NEGR1: variants seen among roughly 807,000 people sequenced by gnomAD.
The protein encoded by NEGR1 is IgLON family member 4.
NEGR1 carries 10 observed loss-of-function variants against 40.9 expected under a neutral mutation model. That is an observed-to-expected ratio of 0.24 (90% CI 0.15 to 0.42). The LOEUF is 0.42. NEGR1 is among the 10% of genes least tolerant of loss of function. NEGR1 has a pLI of 1.00. For missense variants in NEGR1, 352 were observed against 438.9 expected (o/e 0.80, Z 1.77); for synonymous variants, 185 against 166.8 (o/e 1.11, Z -0.84).
At chr1:72,192,910 T>G (rs1652867285) in intron 1 of NEGR1, among the ~76,000 whole-genome samples, 1 of 151,836 alleles carries the variant, frequency 6.6e-6, no homozygotes, top group Non-Finnish European at 1.5e-5. Context: ...GATGGCCTGA[T>G]CATGTCTTAT....
At chr1:71,756,524 G>T (rs563385025) in intron 3 of NEGR1, among the ~76,000 whole-genome samples, 2 of 151,346 alleles carry the variant, frequency 1.3e-5, no homozygotes, top group African/African-American at 4.9e-5. Context: ...ATTATTTCTT[G>T]TCATGTCACA....
intron 1 of NEGR1, among the ~76,000 whole-genome samples, chr1:72,213,695 T>C (rs529492222): frequency 4.0e-5 from 6 of 151,632 alleles, no homozygotes; most frequent in Admixed American, 6.6e-5. Flanking sequence ...AATCCCTGAA[T>C]ACAAGTTCTG....
intron 1 of NEGR1, among the ~76,000 whole-genome samples, chr1:72,214,167 C>G (rs996252484): frequency 7.9e-5 from 12 of 151,998 alleles, no homozygotes; most frequent in African/African-American, 2.9e-4. Context: ...ATTCAACACC[C>G]CTTCATGATA....
chr1:71,989,801 C>T (rs1646433910), intron 1 of NEGR1, among the ~76,000 whole-genome samples: 1 of 152,178 alleles, frequency 6.6e-6, no homozygotes, highest in Non-Finnish European at 1.5e-5. Flanking sequence ...TTTTCTATCA[C>T]AGCTTTCACA....
intron 6 of NEGR1, among the ~76,000 whole-genome samples, chr1:71,539,225 A>G (rs113810883): frequency 1.2e-3 from 183 of 151,876 alleles, no homozygotes; most frequent in African/African-American, 4.2e-3. Context: ...CACTCTATAA[A>G]TGTTAGCTTA....
intron 2 of NEGR1, among the ~76,000 whole-genome samples, chr1:71,803,863 T>C (rs1225218692): frequency 6.6e-6 from 1 of 152,152 alleles, no homozygotes; most frequent in Non-Finnish European, 1.5e-5. Flanking sequence ...CATTGTTCAC[T>C]TCAGTGCCTA....
At chr1:71,586,068 G>A (rs1481369221) in intron 6 of NEGR1, among the ~76,000 whole-genome samples, 2 of 152,004 alleles carry the variant, frequency 1.3e-5, no homozygotes, top group Non-Finnish European at 2.9e-5. Context: ...TATAGGTCAG[G>A]TGACTAAAGT....
intron 2 of NEGR1, among the ~76,000 whole-genome samples, chr1:71,900,308 G>GCAC (rs1421271752): frequency 2.0e-5 from 3 of 152,070 alleles, no homozygotes; most frequent in African/African-American, 7.2e-5. Context: ...ATTAGTCTCT[G>GCAC]TTTAGTATTT....
intron 6 of NEGR1, among the ~76,000 whole-genome samples, chr1:71,506,160 G>A (rs566113846): frequency 1.3e-5 from 2 of 152,228 alleles, no homozygotes; most frequent in South Asian, 2.1e-4. Flanking sequence ...CAAAAAATCT[G>A]TATCTCAAAT....
At chr1:72,110,290 C>T (rs888964529) in intron 1 of NEGR1, among the ~76,000 whole-genome samples, 1 of 148,650 alleles carries the variant, frequency 6.7e-6, no homozygotes, top group African/African-American at 2.5e-5. Context: ...ATCTTGTTTC[C>T]TGTGATATAC....
At chr1:71,662,800 A>G (rs2101592089) in intron 4 of NEGR1, among the ~76,000 whole-genome samples, 1 of 151,972 alleles carries the variant, frequency 6.6e-6, no homozygotes, top group East Asian at 1.9e-4. Flanking sequence ...TTAAAAATGT[A>G]ACTAAAACTA....
intron 2 of NEGR1, among the ~76,000 whole-genome samples, chr1:71,904,008 T>G (rs1427878019): frequency 6.6e-6 from 1 of 151,982 alleles, no homozygotes; most frequent in Non-Finnish European, 1.5e-5. Flanking sequence ...CCTATTTACA[T>G]GATATGAGAA....
At chr1:72,102,824 A>T (rs1360319987) in intron 1 of NEGR1, among the ~76,000 whole-genome samples, 1 of 152,104 alleles carries the variant, frequency 6.6e-6, no homozygotes, top group Non-Finnish European at 1.5e-5. Flanking sequence ...ATTCAAATGA[A>T]TCCAAGTATC....
At chr1:71,758,549 T>G (rs1655822634) in intron 3 of NEGR1, among the ~76,000 whole-genome samples, 1 of 152,282 alleles carries the variant, frequency 6.6e-6, no homozygotes, top group African/African-American at 2.4e-5. Context: ...AATTTTCTAC[T>G]AGTGATGATT....
chr1:71,860,875 A>G (rs983020510), intron 2 of NEGR1, among the ~76,000 whole-genome samples: 2 of 152,020 alleles, frequency 1.3e-5, no homozygotes, highest in East Asian at 1.9e-4. Flanking sequence ...AGCATGAAAA[A>G]ATTGGAGTTT....
intron 1 of NEGR1, among the ~76,000 whole-genome samples, chr1:72,209,435 C>A (rs1048942499): frequency 1.3e-5 from 2 of 151,612 alleles, no homozygotes; most frequent in Admixed American, 1.3e-4. Flanking sequence ...TCTCTTCCTT[C>A]CAATACATTT....
intron 6 of NEGR1, among the ~76,000 whole-genome samples, chr1:71,420,697 A>G (rs991676643): frequency 6.6e-5 from 10 of 152,182 alleles, no homozygotes; most frequent in African/African-American, 2.4e-4. Context: ...AAAGAGCTAG[A>G]CAGAGAATTA....
At chr1:72,050,007 T>C (rs1226098538) in intron 1 of NEGR1, among the ~76,000 whole-genome samples, 3 of 151,574 alleles carry the variant, frequency 2.0e-5, no homozygotes, top group African/African-American at 7.3e-5. Context: ...TATTTCACAT[T>C]GTGGTGTAGA....
chr1:72,005,687 T>C (rs1434694555), intron 1 of NEGR1, among the ~76,000 whole-genome samples: 1 of 152,156 alleles, frequency 6.6e-6, no homozygotes, highest in Non-Finnish European at 1.5e-5. Context: ...CAAGTTTCCA[T>C]ATTTCTTTTA....
Sources: allele counts gnomAD v4.1 joint callset (sites outside exome capture counted in the v4.1 genomes callset), GRCh38; gene constraint gnomAD v4.1.1; transcripts MANE v1.5; gene names NCBI Gene and HGNC (gene_info 2026-07-23, HGNC 2026-07-21).